The following LIPA variants were observed in gnomAD, a reference collection of about 807,000 sequenced individuals.
The protein encoded by LIPA is lysosomal acid lipase/cholesteryl ester hydrolase.
In LIPA, 26 loss-of-function variants were observed where a neutral mutation model predicts 40.6. The ratio of observed to expected loss-of-function variants is 0.64; its 90% CI spans 0.47 to 0.89. The LOEUF (loss-of-function observed/expected upper bound fraction) is 0.89, where lower values mean the gene tolerates loss of function less well. Among genes scored for constraint, LIPA ranks in the 40% least tolerant of loss-of-function variants. LIPA has a pLI of 0.00. For synonymous variants in LIPA, 188 were observed against 168.4 expected (o/e 1.12, Z -0.90); for missense variants, 455 against 479.6 (o/e 0.95, Z 0.48).
chr10:89,325,989 G>A (rs1263156130), intron 1 of LIPA, among the ~76,000 whole-genome samples: 1 of 152,162 alleles, frequency 6.6e-6, no homozygotes, highest in African/African-American at 2.4e-5. Context: ...ACTGTTGGTG[G>A]GAATGTAAAC....
At chr10:89,334,484 T>TTTTTTTTTTTTTTTTTTTTTTTTTTTTC (rs1843701209) in intron 1 of LIPA, among the ~76,000 whole-genome samples, 1 of 39,060 alleles carries the variant, frequency 2.6e-5, no homozygotes, top group Non-Finnish European at 4.2e-5. Flanking sequence ...TATTCTTTTT[T>TTTTTTTTTTTTTTTTTTTTTTTTTTTTC]TTTTTTTTTT....
At chr10:89,306,134 C>G (rs765359543) in intron 1 of LIPA, 19 of 1,614,112 alleles carry the variant, frequency 1.2e-5, no homozygotes, top group Middle Eastern at 1.6e-4. Context: ...ACTGGCCTAT[C>G]TAAAGCACCT....
At chr10:89,306,992 C>A (rs1843485389) in intron 1 of LIPA, 1 of 1,614,024 alleles carries the variant, frequency 6.2e-7, no homozygotes, top group South Asian at 1.1e-5. Flanking sequence ...CCTCCATGCT[C>A]TAGCAGATCA....
chr10:89,360,153 T>C (rs1363414374), intron 2 of LIPA, among the ~76,000 whole-genome samples: 4 of 152,202 alleles, frequency 2.6e-5, no homozygotes, highest in Non-Finnish European at 5.9e-5. Context: ...TACTGCCCTT[T>C]ATTTGCTCAG....
At chr10:89,388,931 A>G (rs1055163311) in intron 2 of LIPA, among the ~76,000 whole-genome samples, 1 of 152,238 alleles carries the variant, frequency 6.6e-6, no homozygotes, top group Non-Finnish European at 1.5e-5. Flanking sequence ...GAAGATATGT[A>G]AATCATCAAA....
At chr10:89,371,528 C>G (rs1844091300) in intron 2 of LIPA, among the ~76,000 whole-genome samples, 1 of 152,168 alleles carries the variant, frequency 6.6e-6, no homozygotes, top group African/African-American at 2.4e-5. Context: ...TCTAATCTGT[C>G]TCTGTCTCCC....
chr10:89,343,045 G>A (rs1843886098), upstream of LIPA, among the ~76,000 whole-genome samples: 1 of 152,242 alleles, frequency 6.6e-6, no homozygotes, highest in Admixed American at 6.5e-5. Flanking sequence ...TCAGCTCCAA[G>A]AGCATGTAGG....
chr10:89,238,274 G>A (rs1842928823), intron 3 of LIPA, among the ~76,000 whole-genome samples: 2 of 152,200 alleles, frequency 1.3e-5, no homozygotes, highest in Non-Finnish European at 2.9e-5. Flanking sequence ...TGATTTGATG[G>A]AGACGAGTGC....
intron 2 of LIPA, chr10:89,362,809 T>C: frequency 2.2e-6 from 1 of 462,760 alleles, no homozygotes; most frequent in Non-Finnish European, 3.8e-6. Flanking sequence ...GAAAAGGCTC[T>C]AGAGGTGGGC....
intron 1 of LIPA, among the ~76,000 whole-genome samples, chr10:89,249,400 A>G (rs1471494186): frequency 6.6e-6 from 1 of 152,240 alleles, no homozygotes; most frequent in East Asian, 1.9e-4. Flanking sequence ...TTAAAAAATA[A>G]ATAGAATCAC....
intron 1 of LIPA, among the ~76,000 whole-genome samples, chr10:89,267,453 A>G (rs932421070): frequency 1.3e-5 from 2 of 152,030 alleles, no homozygotes; most frequent in Admixed American, 1.3e-4. Flanking sequence ...ATTGGAAACC[A>G]TCATTCTCAG....
At position 89,215,973 on chromosome 10, in the gene LIPA, C is replaced by T. The variant is rs1589548972; in HGVS notation, c.931G>A (p.Gly311Arg). 2 of 1,612,530 alleles carry T rather than the reference C, an allele frequency of 1.2e-6. No individual in the cohort carries two copies. Among genetic ancestry groups the T allele is most frequent in the East Asian group, 2.2e-5 (1 of 44,880 alleles). The change falls in exon 9 of 10, where the codon GGA becomes AGA. Residue 311 changes from glycine (G) to arginine (R), a missense_variant. Transcript: ENST00000336233. ...TGAAAATAATTCTTGGCACTGCTTC[C>T]CCAGTCAAAGGCTTGAAACTTTTGG... ...KFQKFQAFDW[G>R]SSAKNYFHYN...
chr10:89,334,478 C>CTTTTTTTTTTTTTTTTTTTTTTTTTTT lies in LIPA; in HGVS notation c.-2+8106_-2+8132dup, dbSNP rs578154457. Among the ~76,000 whole-genome samples the CTTTTTTTTTTTTTTTTTTTTTTTTTTT allele has an allele frequency of 4.3e-4, 11 of 25,334 alleles. 1 individual carries two copies. The highest frequency in any genetic ancestry group is 0.056 in the Middle Eastern group (1 of 18). 16.6% of individuals were successfully genotyped at this position (25,334 alleles called of 152,430 possible). On this transcript the variant is annotated intron_variant, in intron 1 of 5. Transcript: ENST00000282673. ...TGTTTTTTCTTCTTTTTCTTTTATT[C>CTTTTTTTTTTTTTTTTTTTTTTTTTTT]TTTTTTTTTTTTTTTTTTTTTTTTT... is the stretch of plus-strand genomic sequence containing the variant.
rs2297473 is a variant in LIPA, at chr10:89,225,030, T to C, written c.675+62A>G. On this transcript the variant is annotated intron_variant, in intron 6 of 9. Transcript: ENST00000336233. Reference sequence around the variant, plus strand: ...GCACAGATTATCCCTCCCCTTGCCATTTCTTCAGATCTCAGGAGGAAATCT... The same window carrying C: ...GCACAGATTATCCCTCCCCTTGCCACTTCTTCAGATCTCAGGAGGAAATCT... 3.2e-6 allele frequency: 5 copies of C among 1,583,614 alleles called. No individual in the cohort carries two copies. In the South Asian group the frequency reaches 4.4e-5, roughly 14 times the overall value.
chr10:89,303,448 A>G (rs1843458685), intron 1 of LIPA, among the ~76,000 whole-genome samples: 1 of 152,222 alleles, frequency 6.6e-6, no homozygotes, highest in Non-Finnish European at 1.5e-5. Flanking sequence ...GCAAAGGAAG[A>G]AATTGTTGTT....
In LIPA at chr10:89,328,703, T is replaced by A. The variant is rs186072604; in HGVS notation, c.-2+13908A>T. On this transcript the variant is annotated intron_variant, in intron 1 of 5. Transcript: ENST00000282673. Reference sequence around the variant, plus strand: ...CTTATATAAAAACAAACCCAAAGCTTAGCATTTATTTTTATTGATGTAGTG... The same window carrying A: ...CTTATATAAAAACAAACCCAAAGCTAAGCATTTATTTTTATTGATGTAGTG... 1.4e-3 allele frequency among the ~76,000 whole-genome samples: 217 copies of A among 152,312 alleles called. 2 individuals are homozygous for A. Among genetic ancestry groups the A allele is most frequent in the African/African-American group, 4.1e-3 (171 of 41,568 alleles).
chr10:89,331,416 A>G (rs1178099835), intron 1 of LIPA, among the ~76,000 whole-genome samples: 1 of 152,056 alleles, frequency 6.6e-6, no homozygotes, highest in Non-Finnish European at 1.5e-5. Context: ...TAAGTGATGC[A>G]CCCACCTTGG....
intron 1 of LIPA, among the ~76,000 whole-genome samples, chr10:89,271,018 T>C (rs1843263168): frequency 6.6e-6 from 1 of 152,206 alleles, no homozygotes; most frequent in Non-Finnish European, 1.5e-5. Context: ...TGCACAGCAG[T>C]ATTCCATCAC....
At chr10:89,281,082 G>A (rs146702994) in intron 1 of LIPA, among the ~76,000 whole-genome samples, 110 of 152,270 alleles carry the variant, frequency 7.2e-4, no homozygotes, top group African/African-American at 2.6e-3. Context: ...TAAAAAGAAG[G>A]CAAATATTTG....
Sources: gnomAD v4.1 joint callset for allele counts (sites outside exome capture counted in the v4.1 genomes callset) on GRCh38, gnomAD v4.1.1 for gene constraint, MANE v1.5 for transcripts, NCBI Gene and HGNC (gene_info 2026-07-23, HGNC 2026-07-21) for gene names.